CREB3L2: variants seen among roughly 807,000 people sequenced by gnomAD.
CREB3L2 encodes the protein cAMP responsive element binding protein 3 like 2.
CREB3L2 carries 23 observed loss-of-function variants against 57.2 expected under a neutral mutation model. The ratio of observed to expected loss-of-function variants is 0.40; its 90% CI spans 0.29 to 0.57. The LOEUF (loss-of-function observed/expected upper bound fraction) is 0.57, where lower values mean the gene tolerates loss of function less well. Ranked by LOEUF, CREB3L2 falls within the 20% of genes least tolerant of loss-of-function variation. CREB3L2 has a pLI of 0.42. For missense variants in CREB3L2, 628 were observed against 634.7 expected (o/e 0.99, Z 0.11); for synonymous variants, 268 against 265.1 (o/e 1.01, Z -0.11).
At chr7:137,901,583 GAA>G (rs973300802) in intron 7 of CREB3L2, among the ~76,000 whole-genome samples, 161 bp from the exon 8 acceptor site, 1 of 134,864 alleles carries the variant, frequency 7.4e-6, no homozygotes, top group Non-Finnish European at 1.6e-5. Context: ...AGAGACTTAA[GAA>G]AAAAAAAAAA....
At chr7:137,939,063 A>T (rs1191446081) in intron 1 of CREB3L2, among the ~76,000 whole-genome samples, 7 of 152,218 alleles carry the variant, frequency 4.6e-5, no homozygotes, top group Non-Finnish European at 1.0e-4. Context: ...GCACTTCTTC[A>T]TTCTTTCTGA....
intron 8 of CREB3L2, among the ~76,000 whole-genome samples, chr7:137,894,481 G>GCC (rs1384088061): frequency 6.6e-6 from 1 of 152,138 alleles, no homozygotes; most frequent in Non-Finnish European, 1.5e-5. Flanking sequence ...TCCATATGCA[G>GCC]CCCTCACAAA....
At chr7:137,955,383 T>A (rs1305704811) in intron 1 of CREB3L2, 1 of 1,117,920 alleles carries the variant, frequency 8.9e-7, no homozygotes, top group South Asian at 1.3e-5. Context: ...GTCTTATGAT[T>A]AGTTCTTCAG....
At chr7:137,885,207 G>C in intron 9 of CREB3L2, 86 bp from the exon 10 acceptor site, 2 of 1,485,520 alleles carry the variant, frequency 1.3e-6, no homozygotes, top group Middle Eastern at 4.7e-4. Context: ...CAGGGACACA[G>C]ACTCTCCTCT....
intron 1 of CREB3L2, among the ~76,000 whole-genome samples, chr7:137,993,693 T>G (rs1430255353): frequency 6.6e-6 from 1 of 152,138 alleles, no homozygotes; most frequent in Non-Finnish European, 1.5e-5. Flanking sequence ...CCCAGAGTTT[T>G]AAAAATATAT....
At chr7:137,889,385 C>T (rs1044865696) in intron 8 of CREB3L2, among the ~76,000 whole-genome samples, 1 of 152,196 alleles carries the variant, frequency 6.6e-6, no homozygotes, top group Non-Finnish European at 1.5e-5. Flanking sequence ...CCTGACTGCA[C>T]AGCACTTTGC....
At chr7:137,921,324 C>A (rs1451403786) in intron 2 of CREB3L2, among the ~76,000 whole-genome samples, 4 of 152,228 alleles carry the variant, frequency 2.6e-5, no homozygotes, top group African/African-American at 9.6e-5. Context: ...AAAGGTCAAA[C>A]TCGACTGGCA....
chr7:137,999,195 A>G (rs111568817), intron 1 of CREB3L2, among the ~76,000 whole-genome samples: 1 of 151,752 alleles, frequency 6.6e-6, no homozygotes, highest in Non-Finnish European at 1.5e-5. Context: ...CCTCCTTCCA[A>G]TTTTTGTTCA....
chr7:137,924,098 C>G (rs2117233560), intron 2 of CREB3L2, among the ~76,000 whole-genome samples: 1 of 152,272 alleles, frequency 6.6e-6, no homozygotes, highest in South Asian at 2.1e-4. Context: ...ACCAGCCTAC[C>G]CAGCCATCCC....
chr7:137,891,982 T>C (rs1473138465), intron 8 of CREB3L2, among the ~76,000 whole-genome samples: 1 of 152,184 alleles, frequency 6.6e-6, no homozygotes, highest in Non-Finnish European at 1.5e-5. Context: ...TATGTATGTG[T>C]GTAAACTATT....
At chr7:137,968,041 G>GA (rs1011676946) in intron 1 of CREB3L2, among the ~76,000 whole-genome samples, 11 of 152,154 alleles carry the variant, frequency 7.2e-5, no homozygotes, top group African/African-American at 2.7e-4. Context: ...ACCTTCCCAA[G>GA]ATCACACAGC....
intron 8 of CREB3L2, among the ~76,000 whole-genome samples, chr7:137,887,915 C>A (rs976291626): frequency 3.3e-5 from 5 of 151,914 alleles, no homozygotes; most frequent in Admixed American, 6.6e-5. Flanking sequence ...GTAGTTTAGA[C>A]CTGGTTTGTA....
intron 1 of CREB3L2, among the ~76,000 whole-genome samples, chr7:137,932,338 T>C (rs1800665600): frequency 1.3e-5 from 2 of 152,174 alleles, no homozygotes; most frequent in Non-Finnish European, 2.9e-5. Flanking sequence ...AAAGTTTTGT[T>C]TTCAGAATGT....
rs147416585 is a variant in CREB3L2 at position 137,900,517 on chromosome 7, C to T, written c.1043+837G>A. Reference sequence around the variant, plus strand: ...AATTTAAAAAACAATGATTTGCAGCCGGAGCAGTGGCTCAGACCTGTAATT... The same window carrying T: ...AATTTAAAAAACAATGATTTGCAGCTGGAGCAGTGGCTCAGACCTGTAATT... On this transcript the variant is annotated intron_variant, in intron 8 of 11. Coordinates refer to ENST00000330387, the MANE Select transcript of CREB3L2 (RefSeq NM_194071.4). Among the ~76,000 whole-genome samples, 331 of 152,096 alleles carry T rather than the reference C, an allele frequency of 2.2e-3. 1 individual carries two copies. The highest frequency in any genetic ancestry group is 6.8e-3 in the African/African-American group (284 of 41,512).
chr7:137,989,635 T>A (rs1801852995), intron 1 of CREB3L2, among the ~76,000 whole-genome samples: 1 of 151,894 alleles, frequency 6.6e-6, no homozygotes, highest in Non-Finnish European at 1.5e-5. Flanking sequence ...CAAATCTACA[T>A]CTCCAGTCCA....
Position 137,902,194 on chromosome 7 carries a change from CAAA to C in CREB3L2, c.975-775_975-773del, listed in dbSNP as rs58506555. Among the ~76,000 whole-genome samples, 418 of 84,956 alleles carry C rather than the reference CAAA, an allele frequency of 4.9e-3. 2 individuals carry two copies. Among genetic ancestry groups the C allele is most frequent in the Non-Finnish European group, 8.1e-3 (334 of 41,062 alleles). The allele number at this position is 84,956 out of a possible 152,430, so 55.7% of individuals were successfully genotyped here. On this transcript the variant is annotated intron_variant, in intron 7 of 11. Coordinates refer to ENST00000330387, the MANE Select transcript of CREB3L2 (RefSeq NM_194071.4). ...GGGCCACAGAGCGAGACTCTGTCTC[CAAA>C]AAAAAAAAAAAAAAAGAGGGAGCTG...
chr7:137,975,809 C>T (rs1324423458), intron 1 of CREB3L2, among the ~76,000 whole-genome samples: 1 of 152,188 alleles, frequency 6.6e-6, no homozygotes, highest in East Asian at 1.9e-4. Context: ...AGCTTTTATT[C>T]TTCTTTTAGG....
chr7:137,973,795 C>CA (rs1801558336), intron 1 of CREB3L2, among the ~76,000 whole-genome samples: 1 of 152,210 alleles, frequency 6.6e-6, no homozygotes, highest in Non-Finnish European at 1.5e-5. Flanking sequence ...ATGGCTCCCC[C>CA]ATTCATATTC....
intron 1 of CREB3L2, chr7:137,956,604 G>A (rs117938418): frequency 4.1e-5 from 53 of 1,288,988 alleles, no homozygotes; most frequent in Non-Finnish European, 4.9e-5. Context: ...TCCTTCACAC[G>A]GACAGCCATG....
Sources: gnomAD v4.1 joint callset for allele counts (sites outside exome capture counted in the v4.1 genomes callset) on GRCh38, gnomAD v4.1.1 for gene constraint, MANE v1.5 for transcripts, NCBI Gene and HGNC (gene_info 2026-07-23, HGNC 2026-07-21) for gene names.